BCAT2: variants seen among roughly 807,000 people sequenced by gnomAD.
BCAT2 encodes branched-chain-amino-acid aminotransferase, mitochondrial.
Under a neutral mutation model 52.9 loss-of-function variants are expected in BCAT2, and 44 were observed. That is an observed-to-expected ratio of 0.83 (90% CI 0.65 to 1.07). The LOEUF (loss-of-function observed/expected upper bound fraction) is 1.07. Among genes scored for constraint, BCAT2 ranks in the 50% least tolerant of loss-of-function variants. BCAT2 has a pLI of 0.00. For synonymous variants in BCAT2, 215 were observed against 217.1 expected, an observed-to-expected ratio of 0.99 and a Z score of 0.08; for missense variants, 478 against 521.8, an observed-to-expected ratio of 0.92 and a Z score of 0.82.
intron 6 of BCAT2, among the ~76,000 whole-genome samples, chr19:48,797,728 G>A (rs977102916): frequency 5.3e-5 from 8 of 151,338 alleles, no homozygotes; most frequent in Admixed American, 1.3e-4. Flanking sequence ...GATTACAGGC[G>A]TGAGCCACCG....
In BCAT2 at chr19:48,800,243, G is replaced by A. The variant is rs1344123683; in HGVS notation, c.355C>T (p.Arg119Cys). Residue 119 changes from arginine (R) to cysteine (C), a missense_variant, in exon 4 of 11, where the codon CGC (arginine) becomes TGC (cysteine). Physicochemically the swap from Arg to Cys is radical, Grantham distance 180. Coordinates refer to ENST00000316273, the MANE Select transcript of BCAT2 (RefSeq NM_001190.4). ...KGKDQQVRLF[R>C]PWLNMDRMLR... ...ATCCGGTCCATGTTGAGCCAGGGGC[G>A]GAAGAGGCGCACCTGCTGGTCTTTG... The A allele has an allele frequency of 3.7e-6, 6 of 1,613,754 alleles. No homozygotes were observed. Among genetic ancestry groups the A allele is most frequent in the South Asian group, 2.2e-5 (2 of 91,090 alleles).
At position 48,806,651 on chromosome 19, in the gene BCAT2, C is replaced by T; in HGVS notation, c.166G>A (p.Val56Met). The T allele has an allele frequency of 6.2e-7, 1 of 1,614,144 alleles. No individual in the cohort carries two copies. The highest frequency in any genetic ancestry group is 8.5e-7 in the Non-Finnish European group (1 of 1,180,038). The change falls in exon 3 of 11, where the codon GTG (valine) becomes ATG (methionine). Residue 56 changes from valine (V) to methionine (M), a missense_variant. Val to Met is a conservative substitution (Grantham distance 21, BLOSUM62 1). Transcript: ENST00000316273. ...TGGTCGGTAAATGTCTTCCCAAACA[C>T]CAGGGGCTCGCCGGGGCCAGGCTTC... ...HKKPGPGEPL[V>M]FGKTFTDHML...
chr19:48,809,225 C>T (rs1449613386), intron 1 of BCAT2, among the ~76,000 whole-genome samples: 1 of 151,974 alleles, frequency 6.6e-6, no homozygotes, highest in Admixed American at 6.6e-5. Flanking sequence ...GAGATCGTGC[C>T]ACGGCACTCC....
rs757645175 is a variant in BCAT2 at position 48,795,443 on chromosome 19, A to C, written c.1162T>G (p.Trp388Gly). Residue 388 changes from tryptophan (W) to glycine (G), a missense_variant, in exon 11 of 11, where the codon TGG (tryptophan) becomes GGG (glycine). Physicochemically the swap from Trp to Gly is radical, Grantham distance 184. Coordinates refer to ENST00000316273, the MANE Select transcript of BCAT2 (RefSeq NM_001190.4). ...EIQYGIRAHE[W>G]MFPV is the part of the protein sequence containing the mutation. ...CTGCAGCTTCACACCGGGAACATCC[A>C]CTCGTGGGCTCTGATTCCGTACTGC... 2 of 1,613,800 alleles carry C rather than the reference A, an allele frequency of 1.2e-6. No homozygotes were observed. The highest frequency in any genetic ancestry group is 3.3e-5 in the Admixed American group (2 of 60,000).
intron 6 of BCAT2, chr19:48,797,614 G>A (rs1387190233): frequency 2.7e-5 from 10 of 366,672 alleles, no homozygotes; most frequent in East Asian, 6.4e-5. Flanking sequence ...GCAGTGGTGC[G>A]ATCTTGGCTC....
chr19:48,799,993 G>A lies in BCAT2; in HGVS notation c.519C>T (p.Leu173=), dbSNP rs778419323. ...GAGTTGGGCCCACCTCGTTCCCAAT[G>A]AGCACAGGCCGCACATAGAGGCTGG... is the stretch of plus-strand genomic sequence containing the variant. The part of the protein sequence containing the change: ...AGTSLYVRPV[L]IGNEPSLGVS... Residue 173 remains leucine (L), a synonymous_variant, in exon 5 of 11, where the codon CTC becomes CTT. Coordinates refer to ENST00000316273, the MANE Select transcript of BCAT2 (RefSeq NM_001190.4). This position sits in a 1 kb window ranked among gnomAD's most constrained non-coding sequence, Gnocchi z 5.5. 12 of 1,613,672 alleles carry A rather than the reference G, an allele frequency of 7.4e-6. No individual in the cohort carries two copies. The South Asian group carries it at 1.3e-4, about 18-fold the overall frequency.
In BCAT2 at chr19:48,799,731, G is replaced by C. The variant is rs139804733; in HGVS notation, c.639C>G (p.Ala213=). The part of the protein sequence containing the change: ...GGSVTPVSLL[A]DPAFIRAWVG... ...CCCAGGCCCGGATGAAGGCTGGGTC[G>C]GCCAGGAGGGAGACCGGGGTCACGG... Residue 213 remains alanine, a synonymous_variant, in exon 6 of 11, where the codon GCC becomes GCG. Transcript: ENST00000316273. This position sits in a 1 kb window ranked among gnomAD's most constrained non-coding sequence, Gnocchi z 5.5. 63 of 1,594,098 alleles carry C rather than the reference G, an allele frequency of 4.0e-5. No homozygotes were observed. In the South Asian group the frequency reaches 5.9e-4, roughly 15 times the overall value.
Position 48,797,233 on chromosome 19 carries a change from C to T in BCAT2, c.796G>A (p.Gly266Arg). The T allele has an allele frequency of 6.2e-7, 1 of 1,613,904 alleles. No individual in the cohort carries two copies. Among genetic ancestry groups the T allele is most frequent in the Non-Finnish European group, 8.5e-7 (1 of 1,179,930 alleles). The part of the protein sequence containing the change: ...YGPDHQLTEV[G>R]TMNIFVYWTH... ...CAGTAGACAAAGATGTTCATGGTTC[C>T]CACCTCGGTGAGCTGGTGGTCGGGC... Residue 266 changes from glycine to arginine, a missense_variant, in exon 7 of 11, where the codon GGA (glycine) becomes AGA (arginine). Physicochemically the swap from Gly to Arg is moderately radical, Grantham distance 125 (BLOSUM62 -2). Transcript: ENST00000316273.
At chr19:48,806,465 A>G in intron 3 of BCAT2, 52 bp downstream of exon 3, 1 of 1,596,654 alleles carries the variant, frequency 6.3e-7, no homozygotes, top group South Asian at 1.1e-5. Flanking sequence ...AGACACAGCA[A>G]GGAGGAGGAG....
At chr19:48,805,400 G>C (rs2122685852) in intron 3 of BCAT2, among the ~76,000 whole-genome samples, 1 of 152,160 alleles carries the variant, frequency 6.6e-6, no homozygotes, top group Non-Finnish European at 1.5e-5. Flanking sequence ...ACTATACCCA[G>C]ACATGGCCCT....
rs771397384 is a variant in BCAT2 at position 48,796,423 on chromosome 19, C to G, written c.1140+5G>C. The G allele has an allele frequency of 8.1e-6, 13 of 1,614,188 alleles. No individual in the cohort carries two copies. In the East Asian group the frequency reaches 2.9e-4, roughly 36 times the overall value. ...CAGCCCATTCCCCAGCTCCCTGCAG[C>G]TCACCTGGATCTCCTTCAGCTCCTT... is the stretch of plus-strand genomic sequence containing the variant. On this transcript the variant is annotated splice_donor_5th_base_variant and intron_variant, in intron 10 of 10. Coordinates refer to ENST00000316273, the MANE Select transcript of BCAT2 (RefSeq NM_001190.4).
intron 3 of BCAT2, 53 bp from the exon 4 acceptor site, chr19:48,800,350 G>A (rs2034632768): frequency 6.7e-7 from 1 of 1,491,014 alleles, no homozygotes; most frequent in South Asian, 1.1e-5. Flanking sequence ...ACAGTCATGA[G>A]AGACACCAAG....
chr19:48,799,975 G>A lies in BCAT2; in HGVS notation c.531+6C>T. ...CCCAGCTTCCCAGCCCTGGAGTTGG[G>A]CCCACCTCGTTCCCAATGAGCACAG... On this transcript the variant is annotated splice_donor_region_variant and intron_variant, in intron 5 of 10. Transcript: ENST00000316273. This position sits in a 1 kb window ranked among gnomAD's most constrained non-coding sequence, Gnocchi z 5.5. 6.2e-7 allele frequency: 1 copy of A among 1,612,760 alleles called. No homozygotes were observed. The highest frequency in any genetic ancestry group is 8.5e-7 in the Non-Finnish European group (1 of 1,179,162).
chr19:48,799,770 G>A lies in BCAT2; in HGVS notation c.600C>T (p.Tyr200=). 1.3e-6 allele frequency: 2 copies of A among 1,573,564 alleles called. No individual in the cohort carries two copies. The highest frequency in any genetic ancestry group is 1.7e-6 in the Non-Finnish European group (2 of 1,159,662). The change falls in exon 6 of 11, where the codon TAC becomes TAT. Residue 200 remains tyrosine, a synonymous_variant. Coordinates refer to ENST00000316273, the MANE Select transcript of BCAT2 (RefSeq NM_001190.4). The surrounding 1 kb of genome is among the most constrained non-coding windows in gnomAD (Gnocchi z 5.5). ...CCGGGGTCACGGAGCCTCCAGGGAA[G>A]TAGGCACCCACTGGGCAGAGAATGA... ...LFVILCPVGA[Y]FPGGSVTPVS...
chr19:48,807,021 T>A lies in BCAT2; in HGVS notation c.78A>T (p.Arg26Ser). The A allele has an allele frequency of 6.2e-7, 1 of 1,613,726 alleles. No individual in the cohort carries two copies. Among genetic ancestry groups the A allele is most frequent in the South Asian group, 1.1e-5 (1 of 91,060 alleles). The change falls in exon 2 of 11, where the codon AGA becomes AGT. Residue 26 changes from arginine (R) to serine (S), a missense_variant. By Grantham distance (110) the Arg-to-Ser change is moderately radical. Coordinates refer to ENST00000316273, the MANE Select transcript of BCAT2 (RefSeq NM_001190.4). The surrounding 1 kb of genome is among the most constrained non-coding windows in gnomAD (Gnocchi z 4.6). ...SVPWLLCGPR[R>S]YASSSFKAAD... Reference sequence around the variant, plus strand: ...TCACCTTGAAACTGGAGGAGGCATATCTTCTGGGACCACACAGAAGCCAAG... The same window carrying A: ...TCACCTTGAAACTGGAGGAGGCATAACTTCTGGGACCACACAGAAGCCAAG...
intron 3 of BCAT2, among the ~76,000 whole-genome samples, chr19:48,805,138 C>A (rs2034738875): frequency 6.6e-6 from 1 of 152,176 alleles, no homozygotes; most frequent in African/African-American, 2.4e-5. Flanking sequence ...CTGTAAGATG[C>A]TCACTTAAAT....
At chr19:48,803,127 G>A (rs914273370) in intron 3 of BCAT2, among the ~76,000 whole-genome samples, 5 of 151,672 alleles carry the variant, frequency 3.3e-5, no homozygotes, top group African/African-American at 9.7e-5. Context: ...CCTAGGAGGC[G>A]GAGGTTGCAG....
intron 2 of BCAT2, 41 bp from the exon 3 acceptor site, chr19:48,806,758 T>G: frequency 4.4e-6 from 7 of 1,603,530 alleles, no homozygotes; most frequent in Non-Finnish European, 6.0e-6. Flanking sequence ...GGCCACAACC[T>G]CCCAGCTGAA....
rs4802510 is a variant in BCAT2, at chr19:48,807,508, C to T, written c.25-434G>A. ...GGGTGCAGACCCCAGGCCCGCCTCC[C>T]TCAGACCTAAGTAAGAGTCCAGACT... is the stretch of plus-strand genomic sequence containing the variant. On this transcript the variant is annotated intron_variant, in intron 1 of 10. Coordinates refer to ENST00000316273, the MANE Select transcript of BCAT2 (RefSeq NM_001190.4). The surrounding 1 kb of genome is among the most constrained non-coding windows in gnomAD (Gnocchi z 4.6). 39,812 of 180,498 alleles carry T rather than the reference C, an allele frequency of 0.22. 4,533 individuals carry two copies. Among genetic ancestry groups the T allele is most frequent in the Admixed American group, 0.27 (4,621 of 17,354 alleles). 11.2% of individuals were successfully genotyped at this position (180,498 alleles called of 1,614,324 possible).
Sources: allele counts gnomAD v4.1 joint callset (sites outside exome capture counted in the v4.1 genomes callset), GRCh38; gene constraint gnomAD v4.1.1; non-coding constraint Gnocchi (gnomAD v3.1); transcripts MANE v1.5; gene names NCBI Gene and HGNC (gene_info 2026-07-23, HGNC 2026-07-21).